ADAMTS17: variants seen among roughly 807,000 people sequenced by gnomAD.
The protein encoded by ADAMTS17 is ADAM metallopeptidase with thrombospondin type 1 motif 17.
ADAMTS17 carries 113 observed loss-of-function variants against 141.5 expected under a neutral mutation model. The observed-to-expected ratio is 0.80, with a 90% CI of 0.69 to 0.93. ADAMTS17 has a LOEUF of 0.93. ADAMTS17 is among the 40% of genes least tolerant of loss of function. The probability of loss-of-function intolerance (pLI) is 0.00; values close to 1 mark genes in which losing one functional copy is unlikely to be tolerated. For missense variants in ADAMTS17, 1,659 were observed against 1,517.9 expected (o/e 1.09, Z -1.54); for synonymous variants, 768 against 630.6 (o/e 1.22, Z -3.27).
At chr15:100,197,723 T>C (rs2041173301) in intron 8 of ADAMTS17, among the ~76,000 whole-genome samples, 2 of 152,160 alleles carry the variant, frequency 1.3e-5, no homozygotes, top group African/African-American at 4.8e-5. Context: ...CCACTCTCTG[T>C]ACCTACTCAC....
intron 4 of ADAMTS17, among the ~76,000 whole-genome samples, chr15:100,277,565 A>G (rs1381723208): frequency 6.6e-6 from 1 of 152,212 alleles, no homozygotes; most frequent in Non-Finnish European, 1.5e-5. Context: ...CTGCAGATGA[A>G]AACATCTGGT....
intron 18 of ADAMTS17, among the ~76,000 whole-genome samples, chr15:100,034,794 G>C (rs1457599612): frequency 1.3e-5 from 2 of 152,082 alleles, no homozygotes; most frequent in Non-Finnish European, 2.9e-5. Context: ...TATTCCTCCA[G>C]CATTAAAACC....
intron 4 of ADAMTS17, among the ~76,000 whole-genome samples, chr15:100,274,163 G>A (rs2044003467): frequency 6.6e-6 from 1 of 152,018 alleles, no homozygotes; most frequent in Admixed American, 6.6e-5. Context: ...ATTGTTGTTG[G>A]GTAGAGTGTT....
chr15:100,044,361 T>G (rs1267858178), intron 18 of ADAMTS17, among the ~76,000 whole-genome samples: 1 of 152,208 alleles, frequency 6.6e-6, no homozygotes, highest in African/African-American at 2.4e-5. Flanking sequence ...AACAATTTTT[T>G]CCTTCCCATT....
chr15:100,319,779 T>A (rs893547152), intron 3 of ADAMTS17, among the ~76,000 whole-genome samples: 5 of 151,638 alleles, frequency 3.3e-5, no homozygotes, highest in African/African-American at 1.2e-4. Context: ...ACTAAGAAGA[T>A]CTAGGTGGGG....
rs971030609 is a variant in ADAMTS17 at position 100,134,591 on chromosome 15, G to C, written c.1474-1276C>G. ...TGCAAAGGGTGTCGAGTTCAGTTTAGAGGTCTGCTCTTCCAAGTAATCTCA... is the reference window on the plus strand; with the variant it reads ...TGCAAAGGGTGTCGAGTTCAGTTTACAGGTCTGCTCTTCCAAGTAATCTCA... On this transcript the variant is annotated intron_variant, in intron 10 of 21. Transcript: ENST00000268070. Among the ~76,000 whole-genome samples the C allele has an allele frequency of 3.0e-4, 46 of 152,206 alleles. 1 individual carries two copies. Among genetic ancestry groups the C allele is most frequent in the African/African-American group, 1.1e-3 (46 of 41,458 alleles).
intron 18 of ADAMTS17, among the ~76,000 whole-genome samples, chr15:100,028,752 C>A (rs1387596433): frequency 6.6e-6 from 1 of 152,238 alleles, no homozygotes; most frequent in Non-Finnish European, 1.5e-5. Flanking sequence ...ACTGCTTCTG[C>A]TTCTCAGGGT....
chr15:100,245,585 T>G (rs12148837), intron 7 of ADAMTS17, among the ~76,000 whole-genome samples: 16,714 of 152,310 alleles, frequency 0.11, 1,275 homozygotes, highest in Non-Finnish European at 0.17. Flanking sequence ...TCAGCCATTA[T>G]GTAACCTTAG....
At chr15:100,006,035 A>G (rs902340406) in intron 18 of ADAMTS17, among the ~76,000 whole-genome samples, 1 of 152,042 alleles carries the variant, frequency 6.6e-6, no homozygotes, top group Non-Finnish European at 1.5e-5. Flanking sequence ...CCCTCTTCTT[A>G]TAAGGATACC....
chr15:100,100,064 CCTGTCT>C (rs2036002238), intron 14 of ADAMTS17, among the ~76,000 whole-genome samples: 1 of 149,194 alleles, frequency 6.7e-6, no homozygotes, highest in Admixed American at 6.6e-5. Flanking sequence ...TAACGCCCAC[CCTGTCT>C]CTGTTGTGCA....
intron 15 of ADAMTS17, among the ~76,000 whole-genome samples, chr15:100,084,787 C>T (rs2034991118): frequency 1.3e-5 from 2 of 152,228 alleles, no homozygotes; most frequent in African/African-American, 4.8e-5. Context: ...AGGGTCCTCA[C>T]TGTCAGAAGG....
chr15:100,076,867 A>G (rs550121073), intron 15 of ADAMTS17, among the ~76,000 whole-genome samples: 6 of 152,240 alleles, frequency 3.9e-5, no homozygotes, highest in African/African-American at 1.4e-4. Flanking sequence ...ATCATACTAC[A>G]TTTGCAATTT....
At chr15:100,227,905 A>G (rs958179600) in intron 7 of ADAMTS17, among the ~76,000 whole-genome samples, 5 of 152,184 alleles carry the variant, frequency 3.3e-5, no homozygotes, top group Non-Finnish European at 5.9e-5. Context: ...TTCCAAACCC[A>G]CTGTTATCTT....
At chr15:100,064,723 G>T (rs984179342) in intron 15 of ADAMTS17, among the ~76,000 whole-genome samples, 3 of 152,184 alleles carry the variant, frequency 2.0e-5, no homozygotes, top group East Asian at 1.9e-4. Context: ...GAAGACTCAG[G>T]GAAAACATGA....
chr15:100,165,830 C>G (rs777735380), intron 8 of ADAMTS17, among the ~76,000 whole-genome samples: 2 of 152,252 alleles, frequency 1.3e-5, no homozygotes, highest in Middle Eastern at 3.4e-3. Flanking sequence ...ACCTCTGCCC[C>G]CCCTCAGGAC....
In ADAMTS17 at chr15:100,341,951, G is replaced by GC. The variant is rs1567560531; in HGVS notation, c.-53dup. On this transcript the variant is annotated 5_prime_UTR_variant, in exon 1 of 22. Transcript: ENST00000268070. ...GACCGTGGCGGCGAAGCAGGAGCGC[G>GC]CTAGGCGGCGGCGCCAGCCGGAGTG... is the stretch of plus-strand genomic sequence containing the variant. 16 of 1,542,598 alleles carry GC rather than the reference G, an allele frequency of 1.0e-5. No individual in the cohort carries two copies. Among genetic ancestry groups the GC allele is most frequent in the Middle Eastern group, 3.4e-4 (2 of 5,926 alleles).
At chr15:100,034,455 G>C (rs1019517419) in intron 18 of ADAMTS17, among the ~76,000 whole-genome samples, 1 of 152,242 alleles carries the variant, frequency 6.6e-6, no homozygotes, top group African/African-American at 2.4e-5. Flanking sequence ...AGAGCATGCA[G>C]TCTGCAGCCT....
At chr15:100,311,933 T>C (rs1285229879) in intron 3 of ADAMTS17, among the ~76,000 whole-genome samples, 1 of 151,990 alleles carries the variant, frequency 6.6e-6, no homozygotes, top group Non-Finnish European at 1.5e-5. Flanking sequence ...CAAGAATGCA[T>C]GGTTTATTAT....
chr15:100,096,548 G>A, intron 14 of ADAMTS17, 72 bp from the exon 15 acceptor site: 2 of 1,607,368 alleles, frequency 1.2e-6, no homozygotes, highest in Non-Finnish European at 8.5e-7. Context: ...GCCCTGCAAG[G>A]CTAACTTTTC....
Sources: gnomAD v4.1 joint callset for allele counts (sites outside exome capture counted in the v4.1 genomes callset) on GRCh38, gnomAD v4.1.1 for gene constraint, MANE v1.5 for transcripts, NCBI Gene and HGNC (gene_info 2026-07-23, HGNC 2026-07-21) for gene names.